ATP9B: variants seen among roughly 807,000 people sequenced by gnomAD.
ATP9B encodes ATPase phospholipid transporting 9B, also known as probable phospholipid-transporting ATPase IIB.
ATP9B carries 110 observed loss-of-function variants against 146.1 expected under a neutral mutation model. That is an observed-to-expected ratio of 0.75 (90% confidence interval 0.65 to 0.88). The LOEUF is 0.88. ATP9B is among the 40% of genes least tolerant of loss of function. The pLI, the probability that ATP9B is intolerant of heterozygous loss-of-function variation, is 0.00. For missense variants in ATP9B, 1,499 were observed against 1,496.4 expected, an observed-to-expected ratio of 1.00 and a Z score of -0.03; for synonymous variants, 604 against 569.7, an observed-to-expected ratio of 1.06 and a Z score of -0.86.
intron 28 of ATP9B, 142 bp from the exon 29 acceptor site, chr18:79,375,252 G>T: frequency 1.4e-6 from 1 of 704,794 alleles, no homozygotes; most frequent in Non-Finnish European, 2.4e-6. Context: ...GAAATGAGAT[G>T]TTAAAACCAC....
chr18:79,356,105 G>A (rs988396100), intron 25 of ATP9B, among the ~76,000 whole-genome samples: 5 of 152,238 alleles, frequency 3.3e-5, no homozygotes, highest in African/African-American at 1.2e-4. Flanking sequence ...GCCACCCTGT[G>A]TGTGAGGGGA....
intron 11 of ATP9B, among the ~76,000 whole-genome samples, chr18:79,234,265 GA>G (rs1454282719): frequency 6.6e-6 from 1 of 152,166 alleles, no homozygotes; most frequent in Non-Finnish European, 1.5e-5. Flanking sequence ...TTAACTTTAT[GA>G]AAGGAAAAAC....
chr18:79,282,166 C>T (rs747361614), intron 13 of ATP9B, among the ~76,000 whole-genome samples: 54 of 152,096 alleles, frequency 3.6e-4, no homozygotes, highest in Non-Finnish European at 1.2e-4. Flanking sequence ...TACGGATGAG[C>T]AAAGAAAGTA....
chr18:79,346,422 C>T (rs886499393), intron 23 of ATP9B, among the ~76,000 whole-genome samples: 8 of 151,884 alleles, frequency 5.3e-5, no homozygotes, highest in Admixed American at 1.3e-4. Flanking sequence ...ACTTGGTCAG[C>T]GCACGTCAGC....
chr18:79,363,534 T>C (rs1465943729), intron 26 of ATP9B: 3 of 140,006 alleles, frequency 2.1e-5, no homozygotes, highest in African/African-American at 8.1e-5. Context: ...AGGCGTAAAC[T>C]GATGTTCCTG....
chr18:79,232,454 C>T (rs931910082), intron 11 of ATP9B, among the ~76,000 whole-genome samples: 7 of 152,214 alleles, frequency 4.6e-5, no homozygotes, highest in Non-Finnish European at 8.8e-5. Flanking sequence ...CAGCCCCTAA[C>T]ACCTACAGCT....
intron 7 of ATP9B, among the ~76,000 whole-genome samples, chr18:79,158,755 CA>C (rs1468080575): frequency 1.3e-5 from 2 of 152,234 alleles, no homozygotes; most frequent in Non-Finnish European, 1.5e-5. Flanking sequence ...AATGTCCTAA[CA>C]TACTGGGTAT....
intron 7 of ATP9B, among the ~76,000 whole-genome samples, chr18:79,168,608 G>T (rs1394102767): frequency 6.6e-6 from 1 of 152,090 alleles, no homozygotes; most frequent in African/African-American, 2.4e-5. Flanking sequence ...ATCAGATATT[G>T]CAGATAGGCC....
intron 29 of ATP9B, chr18:79,376,227 A>AAC (rs2097102698): frequency 1.0e-6 from 1 of 984,400 alleles, no homozygotes; most frequent in Non-Finnish European, 1.2e-6. Flanking sequence ...AACAAAACAA[A>AAC]AAAATGGCTA....
Position 79,110,445 on chromosome 18 carries a change from A to G in ATP9B, c.384A>G (p.Glu128=). ...TTGGATGTCCTGAAAAGTGTGAAGAAAAACATCCCAGGAATTCTATAAAAA... is the reference window on the plus strand; with the variant it reads ...TTGGATGTCCTGAAAAGTGTGAAGAGAAACATCCCAGGAATTCTATAAAAA... The part of the protein sequence containing the change: ...VWLGCPEKCE[E]KHPRNSIKNQ... The change falls in exon 3 of 30, where the codon GAA becomes GAG. Residue 128 remains glutamate (E), a synonymous_variant. Transcript: ENST00000426216. 6.2e-7 allele frequency: 1 copy of G among 1,613,190 alleles called. No individual in the cohort carries two copies. Among genetic ancestry groups the G allele is most frequent in the Non-Finnish European group, 8.5e-7 (1 of 1,179,400 alleles).
At chr18:79,268,798 G>A (rs1179088362) in intron 12 of ATP9B, among the ~76,000 whole-genome samples, 2 of 152,164 alleles carry the variant, frequency 1.3e-5, no homozygotes, top group African/African-American at 2.4e-5. Flanking sequence ...TTAGAAATGT[G>A]TTCGCTTTTT....
At chr18:79,345,926 C>A in intron 23 of ATP9B, 87 bp downstream of exon 23, 1 of 1,452,704 alleles carries the variant, frequency 6.9e-7, no homozygotes, top group Non-Finnish European at 9.6e-7. Flanking sequence ...GTACACTCAG[C>A]ACCTACTTGG....
chr18:79,224,346 G>A (rs1336601877), intron 11 of ATP9B, among the ~76,000 whole-genome samples: 6 of 152,182 alleles, frequency 3.9e-5, no homozygotes, highest in Non-Finnish European at 7.3e-5. Flanking sequence ...CTGACGAGGC[G>A]ATCTGGAATG....
chr18:79,118,642 C>T (rs1479035963), intron 4 of ATP9B, among the ~76,000 whole-genome samples: 2 of 151,790 alleles, frequency 1.3e-5, no homozygotes, highest in South Asian at 2.1e-4. Context: ...CCTCGTGATC[C>T]GTCCGCCTCA....
rs2147268860 is a variant in ATP9B at position 79,337,425 on chromosome 18, G to A, written c.2259G>A (p.Glu753=). 6.2e-7 allele frequency: 1 copy of A among 1,612,556 alleles called. No individual in the cohort carries two copies. Among genetic ancestry groups the A allele is most frequent in the Middle Eastern group, 1.7e-4 (1 of 6,058 alleles). The change falls in exon 19 of 30, where the codon GAG becomes GAA. Residue 753 remains glutamate, a synonymous_variant. Transcript: ENST00000426216. ...AGGCAGACGTGCGGCCCACGCTGGA[G>A]ATGCTGCGCAACGCCGGGATCAAGG... is the stretch of plus-strand genomic sequence containing the variant. ...QLQADVRPTL[E]MLRNAGIKIW...
intron 12 of ATP9B, among the ~76,000 whole-genome samples, chr18:79,258,044 T>A (rs1599350239): frequency 6.6e-6 from 1 of 152,224 alleles, no homozygotes; most frequent in South Asian, 2.1e-4. Flanking sequence ...ATAGAAAGAT[T>A]TGACCTTTTA....
intron 11 of ATP9B, among the ~76,000 whole-genome samples, chr18:79,253,012 G>A (rs1440505947): frequency 1.3e-5 from 2 of 152,178 alleles, no homozygotes; most frequent in African/African-American, 2.4e-5. Flanking sequence ...CTCTGTTCCC[G>A]GGCTGGGCCC....
At chr18:79,158,580 A>G (rs961879734) in intron 7 of ATP9B, among the ~76,000 whole-genome samples, 2 of 152,158 alleles carry the variant, frequency 1.3e-5, no homozygotes, top group Non-Finnish European at 2.9e-5. Flanking sequence ...GGTGTGAGCC[A>G]CCTTATCTGG....
chr18:79,245,922 T>C (rs113946577), intron 11 of ATP9B, among the ~76,000 whole-genome samples: 18,479 of 98,804 alleles, frequency 0.19, 1,996 homozygotes, highest in African/African-American at 0.27. Flanking sequence ...CTACTGACTG[T>C]GCGGAGGGCA....
Sources: gnomAD v4.1 joint callset for allele counts (sites outside exome capture counted in the v4.1 genomes callset) on GRCh38, gnomAD v4.1.1 for gene constraint, MANE v1.5 for transcripts, NCBI Gene and HGNC (gene_info 2026-07-23, HGNC 2026-07-21) for gene names.